The following TTC39C variants were observed in gnomAD, a reference collection of about 807,000 sequenced individuals.
TTC39C encodes the protein tetratricopeptide repeat domain 39C.
TTC39C carries 33 observed loss-of-function variants against 76.3 expected under a neutral mutation model. The ratio of observed to expected loss-of-function variants is 0.43; its 90% CI spans 0.33 to 0.58. The LOEUF is 0.58. Ranked by LOEUF, TTC39C falls within the 20% of genes least tolerant of loss-of-function variation. TTC39C has a pLI of 0.04. For synonymous variants in TTC39C, 254 were observed against 260.6 expected (o/e 0.97, Z 0.24); for missense variants, 595 against 701.4 (o/e 0.85, Z 1.71).
chr18:24,129,005 G>A lies in TTC39C; in HGVS notation c.1518+22G>A, dbSNP rs772208693. On this transcript the variant is annotated intron_variant, in intron 11 of 13. Coordinates refer to ENST00000317571, the MANE Select transcript of TTC39C (RefSeq NM_001135993.2). ...TCAGGTAAACTGTTAATGTTGTCAG[G>A]GCTAAAGAAAATAAGTCACGAACAC... The A allele has an allele frequency of 2.0e-5, 32 of 1,595,210 alleles. No individual in the cohort carries two copies. In the South Asian group the frequency reaches 3.5e-4, roughly 17 times the overall value.
At chr18:24,031,212 C>T (rs1568411951) in intron 1 of TTC39C, among the ~76,000 whole-genome samples, 1 of 152,002 alleles carries the variant, frequency 6.6e-6, no homozygotes, top group Non-Finnish European at 1.5e-5. Flanking sequence ...GCTGCCTTGG[C>T]CTCCCAAAGT....
rs1270966180 is a variant in TTC39C at position 24,135,263 on chromosome 18, A to G, written c.*2689A>G. The G allele has an allele frequency of 1.3e-5, 2 of 151,820 alleles. No individual in the cohort carries two copies. Among genetic ancestry groups the G allele is most frequent in the Non-Finnish European group, 2.9e-5 (2 of 68,014 alleles). The allele number at this position is 151,820 out of a possible 1,614,324, so 9.4% of individuals were successfully genotyped here. On this transcript the variant is annotated 3_prime_UTR_variant, in exon 14 of 14. Coordinates refer to ENST00000317571, the MANE Select transcript of TTC39C (RefSeq NM_001135993.2). Reference sequence around the variant, plus strand: ...TGATCCACCCACCTTGTCCTCTCAAAATGCTTACAGGCATGAACCACTGTG... The same window carrying G: ...TGATCCACCCACCTTGTCCTCTCAAGATGCTTACAGGCATGAACCACTGTG...
intron 1 of TTC39C, among the ~76,000 whole-genome samples, chr18:24,050,846 T>C (rs941591778): frequency 4.8e-5 from 7 of 144,928 alleles, no homozygotes; most frequent in African/African-American, 7.8e-5. Context: ...CACTCTAGCC[T>C]GGGCAACAAG....
At chr18:24,113,835 C>T (rs141260304) in intron 6 of TTC39C, 234 of 621,540 alleles carry the variant, frequency 3.8e-4, no homozygotes, top group African/African-American at 3.7e-3. Flanking sequence ...GTAAGTAGAG[C>T]GGACATTTGA....
At chr18:24,016,048 C>T (rs2145643182) in intron 1 of TTC39C, among the ~76,000 whole-genome samples, 1 of 152,216 alleles carries the variant, frequency 6.6e-6, no homozygotes, top group Non-Finnish European at 1.5e-5. Flanking sequence ...CAACTGTGAC[C>T]GGGAGACAGA....
chr18:24,125,923 C>T (rs1253999444), intron 10 of TTC39C, among the ~76,000 whole-genome samples: 6 of 152,168 alleles, frequency 3.9e-5, no homozygotes, highest in African/African-American at 1.4e-4. Context: ...TGGGGTGGTT[C>T]ACCCCTGTAA....
intron 13 of TTC39C, among the ~76,000 whole-genome samples, 190 bp from the exon 14 acceptor site, chr18:24,132,294 CA>C (rs1343540246): frequency 1.3e-5 from 2 of 152,134 alleles, no homozygotes; most frequent in Non-Finnish European, 2.9e-5. Context: ...TATTGACATT[CA>C]GTTGACGTTT....
At chr18:24,009,254 A>G (rs1235630317) in intron 1 of TTC39C, among the ~76,000 whole-genome samples, 1 of 152,170 alleles carries the variant, frequency 6.6e-6, no homozygotes, top group African/African-American at 2.4e-5. Context: ...TAAACAATCC[A>G]GAGAAAACCC....
chr18:24,036,012 A>C (rs957958983), intron 1 of TTC39C, among the ~76,000 whole-genome samples: 7 of 152,222 alleles, frequency 4.6e-5, no homozygotes, highest in Admixed American at 6.5e-5. Flanking sequence ...CAGTTTTCCC[A>C]GCACTGTTTG....
chr18:24,113,691 T>C (rs1157608984), intron 6 of TTC39C: 2 of 702,358 alleles, frequency 2.8e-6, no homozygotes, highest in Middle Eastern at 2.3e-4. Flanking sequence ...CATTTCTCAA[T>C]GCCTAAGATT....
chr18:24,096,217 A>C (rs1188062263), intron 6 of TTC39C, among the ~76,000 whole-genome samples: 1 of 152,240 alleles, frequency 6.6e-6, no homozygotes, highest in Non-Finnish European at 1.5e-5. Context: ...TATTCATGGC[A>C]GGGTTGCCAC....
intron 6 of TTC39C, among the ~76,000 whole-genome samples, chr18:24,103,943 T>TTG (rs1555776459): frequency 0.032 from 4,791 of 151,644 alleles, 248 homozygotes; most frequent in African/African-American, 0.11. Context: ...TTTTTTTTTT[T>TTG]TTGTTTGAGA....
chr18:24,044,086 GTGTGTT>G (rs200346234), intron 1 of TTC39C, among the ~76,000 whole-genome samples: 79 of 109,288 alleles, frequency 7.2e-4, no homozygotes, highest in Non-Finnish European at 2.4e-4. Flanking sequence ...GTGTGTGTGT[GTGTGTT>G]TAATAACCAG....
upstream of TTC39C, among the ~76,000 whole-genome samples, chr18:24,010,868 C>T (rs939930573): frequency 2.6e-5 from 4 of 152,070 alleles, no homozygotes; most frequent in African/African-American, 9.7e-5. Context: ...GACAACACAG[C>T]GAAACCCTAT....
chr18:24,007,383 CTTTA>C (rs140551070), intron 1 of TTC39C, among the ~76,000 whole-genome samples: 86,792 of 151,486 alleles, frequency 0.57, 28,136 homozygotes, highest in Non-Finnish European at 0.75. Context: ...TTTTTACTAT[CTTTA>C]TTTATTTATT....
intron 1 of TTC39C, among the ~76,000 whole-genome samples, chr18:24,058,407 C>T (rs1400022008): frequency 6.6e-6 from 1 of 152,206 alleles, no homozygotes; most frequent in Non-Finnish European, 1.5e-5. Context: ...GTAATCCCAG[C>T]ATTTTGGGAG....
chr18:24,034,404 T>G (rs1394700979), intron 1 of TTC39C, among the ~76,000 whole-genome samples: 1 of 152,266 alleles, frequency 6.6e-6, no homozygotes, highest in Non-Finnish European at 1.5e-5. Flanking sequence ...AATAAATGTT[T>G]TGCTAACTTT....
intron 1 of TTC39C, among the ~76,000 whole-genome samples, chr18:24,023,970 A>ATGCATG (rs1555766843): frequency 2.1e-4 from 3 of 14,198 alleles, no homozygotes; most frequent in African/African-American, 5.1e-4. Flanking sequence ...ATATATATAT[A>ATGCATG]TATATATATA....
intron 1 of TTC39C, among the ~76,000 whole-genome samples, chr18:24,032,278 A>G (rs2083680589): frequency 6.6e-6 from 1 of 152,190 alleles, no homozygotes; most frequent in African/African-American, 2.4e-5. Flanking sequence ...CAGCCACAGA[A>G]AACTAATTCA....
Sources: allele counts gnomAD v4.1 joint callset (sites outside exome capture counted in the v4.1 genomes callset), GRCh38; gene constraint gnomAD v4.1.1; transcripts MANE v1.5; gene names NCBI Gene and HGNC (gene_info 2026-07-23, HGNC 2026-07-21).